The following EHBP1 variants were observed in gnomAD, a reference collection of about 807,000 sequenced individuals.
EHBP1 encodes the protein EH domain-binding protein 1.
EHBP1 carries 55 observed loss-of-function variants against 144.0 expected under a neutral mutation model. The observed-to-expected ratio is 0.38, with a 90% CI of 0.31 to 0.48. The LOEUF is 0.48. Among genes scored for constraint, EHBP1 ranks in the 20% least tolerant of loss-of-function variants. The probability of loss-of-function intolerance (pLI) is 0.98; values close to 1 mark genes in which losing one functional copy is unlikely to be tolerated. For synonymous variants in EHBP1, 469 were observed against 472.7 expected (o/e 0.99, Z 0.10); for missense variants, 1,200 against 1,364.2 (o/e 0.88, Z 1.90).
chr2:62,895,763 A>C (rs1219003830), intron 10 of EHBP1, among the ~76,000 whole-genome samples: 1 of 152,200 alleles, frequency 6.6e-6, no homozygotes, highest in Non-Finnish European at 1.5e-5. Context: ...CAGTGAAGAA[A>C]GAGTAAACAA....
chr2:62,980,132 C>T (rs556104795), intron 15 of EHBP1, among the ~76,000 whole-genome samples: 17 of 152,266 alleles, frequency 1.1e-4, no homozygotes, highest in Admixed American at 2.0e-4. Context: ...GAGCAGCCAT[C>T]CCCAACGTTT....
chr2:62,890,755 A>G (rs2052391625), intron 10 of EHBP1, among the ~76,000 whole-genome samples: 1 of 152,230 alleles, frequency 6.6e-6, no homozygotes, highest in Admixed American at 6.5e-5. Context: ...GGCAAGAGAA[A>G]GAAATAAGGA....
At chr2:62,763,225 T>G (rs915762293) in intron 3 of EHBP1, among the ~76,000 whole-genome samples, 11 of 152,176 alleles carry the variant, frequency 7.2e-5, no homozygotes. Context: ...TTCCCTACTT[T>G]TTTTTCACTA....
At chr2:62,934,525 A>G (rs1187518803) in intron 10 of EHBP1, among the ~76,000 whole-genome samples, 2 of 152,234 alleles carry the variant, frequency 1.3e-5, no homozygotes, top group East Asian at 3.8e-4. Flanking sequence ...CTTAACTTTC[A>G]GGACAGGAAA....
At chr2:62,995,837 A>G (rs948667867) in intron 18 of EHBP1, among the ~76,000 whole-genome samples, 1 of 152,126 alleles carries the variant, frequency 6.6e-6, no homozygotes, top group African/African-American at 2.4e-5. Flanking sequence ...AATTAAAGGT[A>G]AACTGGCACA....
At chr2:62,844,451 C>G (rs1185716302) in intron 7 of EHBP1, among the ~76,000 whole-genome samples, 2 of 152,060 alleles carry the variant, frequency 1.3e-5, no homozygotes, top group African/African-American at 4.8e-5. Flanking sequence ...TGAAATGTAG[C>G]AGGAGTGATA....
intron 7 of EHBP1, among the ~76,000 whole-genome samples, chr2:62,832,438 C>CTTTTTTTT (rs202005406): frequency 4.8e-4 from 57 of 117,744 alleles, no homozygotes; most frequent in Middle Eastern, 4.3e-3. Flanking sequence ...TTTCTTTTTT[C>CTTTTTTTT]TTTTTTTTTT....
intron 9 of EHBP1, among the ~76,000 whole-genome samples, chr2:62,867,316 A>G (rs1558822678): frequency 6.6e-6 from 1 of 152,130 alleles, no homozygotes; most frequent in Non-Finnish European, 1.5e-5. Context: ...AGAGTTGACA[A>G]TTGTTTATAT....
At chr2:63,033,579 G>A (rs1282718144) in intron 19 of EHBP1, among the ~76,000 whole-genome samples, 1 of 152,080 alleles carries the variant, frequency 6.6e-6, no homozygotes, top group Non-Finnish European at 1.5e-5. Flanking sequence ...TTTATAGATA[G>A]ATAATTTTAT....
chr2:62,924,344 C>T (rs1277766273), intron 10 of EHBP1, among the ~76,000 whole-genome samples: 1 of 152,020 alleles, frequency 6.6e-6, no homozygotes, highest in Non-Finnish European at 1.5e-5. Flanking sequence ...CAAACCAAAA[C>T]ATTGTAAAAG....
At chr2:62,799,704 C>T (rs990440765) in intron 5 of EHBP1, among the ~76,000 whole-genome samples, 6 of 152,164 alleles carry the variant, frequency 3.9e-5, no homozygotes, top group African/African-American at 1.2e-4. Flanking sequence ...TTCTTACCCT[C>T]GCCTTTGAAT....
intron 5 of EHBP1, among the ~76,000 whole-genome samples, chr2:62,784,583 G>T (rs1254483603): frequency 6.6e-6 from 1 of 152,176 alleles, no homozygotes; most frequent in East Asian, 1.9e-4. Context: ...AGGCTTTATG[G>T]AGCAGTTGCC....
chr2:62,709,888 T>C (rs565516604), intron 2 of EHBP1, among the ~76,000 whole-genome samples: 3 of 152,258 alleles, frequency 2.0e-5, no homozygotes, highest in African/African-American at 7.2e-5. Flanking sequence ...AATGTCTTTT[T>C]TTCATTTGAG....
At chr2:62,820,553 T>A (rs2045863578) in intron 5 of EHBP1, among the ~76,000 whole-genome samples, 1 of 151,616 alleles carries the variant, frequency 6.6e-6, no homozygotes, top group African/African-American at 2.4e-5. Context: ...GTAACCGCTA[T>A]TCTGCTTTCT....
intron 1 of EHBP1, among the ~76,000 whole-genome samples, chr2:62,694,189 A>T (rs902712379): frequency 1.3e-5 from 2 of 152,168 alleles, no homozygotes; most frequent in African/African-American, 4.8e-5. Context: ...GTTCTTTTTC[A>T]TTCATACTGG....
chr2:62,684,461 A>G (rs1343490266), intron 1 of EHBP1, among the ~76,000 whole-genome samples: 1 of 152,198 alleles, frequency 6.6e-6, no homozygotes, highest in Non-Finnish European at 1.5e-5. Context: ...CAAGGAAGGG[A>G]AAAAGCCAAA....
At chr2:62,699,672 A>G (rs533104354) in intron 1 of EHBP1, among the ~76,000 whole-genome samples, 1 of 152,372 alleles carries the variant, frequency 6.6e-6, no homozygotes, top group East Asian at 1.9e-4. Flanking sequence ...GTTGTCATCC[A>G]TTCTAACTGA....
chr2:62,878,845 C>T (rs1466815183), intron 10 of EHBP1, among the ~76,000 whole-genome samples: 2 of 151,830 alleles, frequency 1.3e-5, no homozygotes, highest in Admixed American at 1.3e-4. Flanking sequence ...TGAAATTTCA[C>T]CGTCTCTACT....
chr2:63,042,732 A>G (rs1337355573), intron 21 of EHBP1, among the ~76,000 whole-genome samples: 2 of 151,884 alleles, frequency 1.3e-5, no homozygotes, highest in African/African-American at 4.8e-5. Context: ...TTAAAGTCCT[A>G]ATTTTTTCAA....
Sources: allele counts gnomAD v4.1 joint callset (sites outside exome capture counted in the v4.1 genomes callset), GRCh38; gene constraint gnomAD v4.1.1; transcripts MANE v1.5; gene names NCBI Gene and HGNC (gene_info 2026-07-23, HGNC 2026-07-21).